Variants in NOTCH2NLR observed in about 807,000 individuals in gnomAD.
NOTCH2NLR encodes the protein notch 2 N-terminal like R, also known as notch 2 N-terminal like R (pseudogene).
NOTCH2NLR carries 33 observed loss-of-function variants against 35.6 expected under a neutral mutation model. That is an observed-to-expected ratio of 0.93 (90% CI 0.70 to 1.24). The LOEUF (loss-of-function observed/expected upper bound fraction) is 1.24. NOTCH2NLR is among the 50% of genes most tolerant of loss of function. The pLI is 0.00. For missense variants in NOTCH2NLR, 276 were observed against 362.2 expected, an observed-to-expected ratio of 0.76 and a Z score of 1.93; for synonymous variants, 103 against 141.0, an observed-to-expected ratio of 0.73 and a Z score of 1.91.
chr1:120,787,187 ATT>A (rs1651430776), intron 3 of NOTCH2NLR, among the ~76,000 whole-genome samples: 2 of 87,884 alleles, frequency 2.3e-5, no homozygotes, highest in South Asian at 3.5e-4. Context: ...ATATATATAT[ATT>A]GGCAATCTTT....
At chr1:120,752,587 T>TC (rs1651036424) in intron 1 of NOTCH2NLR, among the ~76,000 whole-genome samples, 2 of 40,234 alleles carry the variant, frequency 5.0e-5, no homozygotes, top group African/African-American at 2.6e-4. Context: ...TTTTTTTTTT[T>TC]TCAGGCAGAG....
At position 120,747,452 on chromosome 1, in the gene NOTCH2NLR, G is replaced by A. The variant is rs1650990051; in HGVS notation, c.74-16176G>A. On this transcript the variant is annotated intron_variant, in intron 1 of 4. Transcript: ENST00000624419. ...TCTGGCATACTGTATACTCTTGAGC[G>A]CATATGTATCCTACTTTATGAAATC... Among the ~76,000 whole-genome samples, 2 of 29,126 alleles carry A rather than the reference G, an allele frequency of 6.9e-5. 1 individual carries two copies. The highest frequency in any genetic ancestry group is 1.1e-3 in the South Asian group (2 of 1,800). 19.1% of individuals were successfully genotyped at this position (29,126 alleles called of 152,430 possible). A position where few individuals can be genotyped will look rare whatever the true frequency, so the allele number is the denominator to read the frequency against.
At chr1:120,733,157 T>C (rs1650882379) in intron 1 of NOTCH2NLR, among the ~76,000 whole-genome samples, 1 of 106,880 alleles carries the variant, frequency 9.4e-6, no homozygotes, top group Admixed American at 9.3e-5. Context: ...CAGATCTACA[T>C]ATATATATAT....
chr1:120,790,400 G>A (rs1651473929), intron 3 of NOTCH2NLR, among the ~76,000 whole-genome samples: 1 of 115,202 alleles, frequency 8.7e-6, no homozygotes, highest in South Asian at 2.5e-4. Context: ...TGGTTTTTGT[G>A]ATAGCACTAT....
rs1320182681 is a variant in NOTCH2NLR, at chr1:120,727,489, A to G, written c.73+3239A>G. On this transcript the variant is annotated intron_variant, in intron 1 of 4. Coordinates refer to ENST00000624419, the Ensembl canonical transcript of NOTCH2NLR. ...CAGTATGTCTGCATTGACCCTTTAG[A>G]AGGGCTTCATATATTTAGATGATAT... is the stretch of plus-strand genomic sequence containing the variant. Among the ~76,000 whole-genome samples the G allele has an allele frequency of 3.6e-5, 4 of 110,074 alleles. 2 individuals carry two copies. The highest frequency in any genetic ancestry group is 2.2e-4 in the African/African-American group (4 of 17,836). 72.2% of individuals were successfully genotyped at this position (110,074 alleles called of 152,430 possible).
rs1489232629 is a variant in NOTCH2NLR at position 120,764,031 on chromosome 1, G to A, written c.155+322G>A. On this transcript the variant is annotated intron_variant, in intron 2 of 4. Coordinates refer to ENST00000624419, the Ensembl canonical transcript of NOTCH2NLR. Reference sequence around the variant, plus strand: ...CAGGAGGCTGAGTTGGGCGAATCACGAGGTCAGGAGTTCAAGATCAGCCTG... The same window carrying A: ...CAGGAGGCTGAGTTGGGCGAATCACAAGGTCAGGAGTTCAAGATCAGCCTG... Among the ~76,000 whole-genome samples, 3 of 114,174 alleles carry A rather than the reference G, an allele frequency of 2.6e-5. 1 individual carries two copies. The highest frequency in any genetic ancestry group is 2.2e-4 in the East Asian group (1 of 4,646). The allele number at this position is 114,174 out of a possible 152,430, so 74.9% of individuals were successfully genotyped here.
intron 1 of NOTCH2NLR, among the ~76,000 whole-genome samples, chr1:120,729,818 T>C (rs1199900652): frequency 1.8e-5 from 2 of 113,838 alleles, no homozygotes; most frequent in Non-Finnish European, 3.4e-5. Context: ...GCCAGGTGAT[T>C]CTTACATTAG....
Position 120,727,780 on chromosome 1 carries a change from G to A in NOTCH2NLR, c.73+3530G>A, listed in dbSNP as rs1387972329. Among the ~76,000 whole-genome samples, 49 of 117,062 alleles carry A rather than the reference G, an allele frequency of 4.2e-4. 10 individuals are homozygous for A. The highest frequency in any genetic ancestry group is 1.9e-3 in the African/African-American group (38 of 19,888). 76.8% of individuals were successfully genotyped at this position (117,062 alleles called of 152,430 possible). A position where few individuals can be genotyped will look rare whatever the true frequency, so the allele number is the denominator to read the frequency against. On this transcript the variant is annotated intron_variant, in intron 1 of 4. Coordinates refer to ENST00000624419, the Ensembl canonical transcript of NOTCH2NLR. ...TTTGAACTATTAATTTTCCTTCCAC[G>A]CTTTCCTGATTTTCCTGTTTTTGTT...
At chr1:120,743,834 G>A (rs1381779928) in intron 1 of NOTCH2NLR, among the ~76,000 whole-genome samples, 1 of 126,544 alleles carries the variant, frequency 7.9e-6, no homozygotes, top group African/African-American at 3.4e-5. Context: ...AATAGGTTTT[G>A]CATTTTTTTA....
In NOTCH2NLR at chr1:120,785,011, C is replaced by T. The variant is rs1441573353; in HGVS notation, c.193C>T (p.Arg65Ter). ...CTTCTTGGGGGAATATTGTCAACAT[C>T]GAGACCCCTGTGAGAAGAACCGCTG... The change falls in exon 3 of 5, where the codon CGA becomes TGA. Residue 65 changes from arginine (R) to a stop codon, truncating the protein, a stop_gained. Transcript: ENST00000624419. LOFTEE classifies it high-confidence loss of function. 21 of 1,421,578 alleles carry T rather than the reference C, an allele frequency of 1.5e-5. 4 individuals carry two copies. The highest frequency in any genetic ancestry group is 5.9e-5 in the Admixed American group (3 of 51,104). 88.1% of individuals were successfully genotyped at this position (1,421,578 alleles called of 1,614,324 possible).
chr1:120,793,377 A>G lies in NOTCH2NLR; in HGVS notation c.632A>G (p.Gln211Arg). Residue 211 changes from glutamine (Q) to arginine (R), a missense_variant, in exon 4 of 5, where the codon CAG (glutamine) becomes CGG (arginine). Transcript: ENST00000624419. ...GGTTCCTACCAGTGCCAGTGCCTTC[A>G]GGGCTTCACAGGCCAGTACTGTGAC... 5 of 1,433,528 alleles carry G rather than the reference A, an allele frequency of 3.5e-6. 2 individuals are homozygous for G. The highest frequency in any genetic ancestry group is 4.7e-6 in the Non-Finnish European group (5 of 1,071,984). 88.8% of individuals were successfully genotyped at this position (1,433,528 alleles called of 1,614,324 possible).
intron 2 of NOTCH2NLR, among the ~76,000 whole-genome samples, chr1:120,778,101 G>A (rs1287906814): frequency 1.2e-5 from 1 of 86,492 alleles, no homozygotes; most frequent in East Asian, 2.8e-4. Context: ...GACAGAGTAG[G>A]GGGGCAGGAA....
rs1301085202 is a variant in NOTCH2NLR at position 120,767,973 on chromosome 1, A to G, written c.155+4264A>G. ...CTATCAACTGCTCCTTCTTTGGACC[A>G]TGGGTATGACTTCCCTTTACTTTAC... On this transcript the variant is annotated intron_variant, in intron 2 of 4. Transcript: ENST00000624419. 1.7e-5 allele frequency among the ~76,000 whole-genome samples: 2 copies of G among 116,884 alleles called. 1 individual carries two copies. The highest frequency in any genetic ancestry group is 3.3e-5 in the Non-Finnish European group (2 of 61,030). The allele number at this position is 116,884 out of a possible 152,430, so 76.7% of individuals were successfully genotyped here. A position where few individuals can be genotyped will look rare whatever the true frequency, so the allele number is the denominator to read the frequency against.
chr1:120,735,071 C>CT (rs1168288997), intron 1 of NOTCH2NLR, among the ~76,000 whole-genome samples: 7 of 63,986 alleles, frequency 1.1e-4, no homozygotes, highest in South Asian at 4.5e-4. Context: ...CTTGATTTTT[C>CT]TTTTTTTTTG....
At chr1:120,761,175 G>T (rs1367182982) in intron 1 of NOTCH2NLR, among the ~76,000 whole-genome samples, 1 of 126,330 alleles carries the variant, frequency 7.9e-6, no homozygotes, top group Non-Finnish European at 1.6e-5. Flanking sequence ...TGGGTTGCTT[G>T]TATTTCTCTG....
Position 120,728,186 on chromosome 1 carries a change from T to C in NOTCH2NLR, c.73+3936T>C, listed in dbSNP as rs1650836394. ...GCGTACATGAGGAAGGAATCGTGTATTTTCATTTATGTGTTTATTCTAATG... is the reference window on the plus strand; with the variant it reads ...GCGTACATGAGGAAGGAATCGTGTACTTTCATTTATGTGTTTATTCTAATG... On this transcript the variant is annotated intron_variant, in intron 1 of 4. Transcript: ENST00000624419. Among the ~76,000 whole-genome samples the C allele has an allele frequency of 1.9e-5, 2 of 108,050 alleles. 1 individual carries two copies. The highest frequency in any genetic ancestry group is 3.5e-5 in the Non-Finnish European group (2 of 57,622). The allele number at this position is 108,050 out of a possible 152,430, so 70.9% of individuals were successfully genotyped here.
chr1:120,734,383 T>TA (rs1650893206), intron 1 of NOTCH2NLR, among the ~76,000 whole-genome samples: 1 of 80,074 alleles, frequency 1.2e-5, no homozygotes, highest in Non-Finnish European at 2.3e-5. Flanking sequence ...GAAGGAAACC[T>TA]ATTTGAAGGA....
At chr1:120,762,502 T>C (rs1260044819) in intron 1 of NOTCH2NLR, among the ~76,000 whole-genome samples, 2 of 113,712 alleles carry the variant, frequency 1.8e-5, no homozygotes, top group Admixed American at 1.7e-4. Context: ...CATAGAGTGG[T>C]GTGGTTAGAG....
In NOTCH2NLR at chr1:120,756,374, GA is replaced by G. The variant is rs1651080227; in HGVS notation, c.74-7249del. ...ACTTGAAATTTGCATAAACGTTGAA[GA>G]AAAAGTTAAAAGAGCCTGTATAACT... On this transcript the variant is annotated intron_variant, in intron 1 of 4. Coordinates refer to ENST00000624419, the Ensembl canonical transcript of NOTCH2NLR. 1.7e-5 allele frequency among the ~76,000 whole-genome samples: 2 copies of G among 117,960 alleles called. 1 individual carries two copies. The highest frequency in any genetic ancestry group is 1.6e-4 in the Admixed American group (2 of 12,276). 77.4% of individuals were successfully genotyped at this position (117,960 alleles called of 152,430 possible).
Sources: allele counts gnomAD v4.1 joint callset (sites outside exome capture counted in the v4.1 genomes callset), GRCh38; gene constraint gnomAD v4.1.1; transcripts MANE v1.5; gene names NCBI Gene and HGNC (gene_info 2026-07-23, HGNC 2026-07-21).